The following GPC5 variants were observed in gnomAD, a reference collection of about 807,000 sequenced individuals.
GPC5 encodes glypican 5, also known as glypican-5.
A neutral mutation model predicts 53.9 loss-of-function variants in GPC5; 47 were observed. The observed-to-expected ratio is 0.87, with a 90% CI of 0.69 to 1.11. The LOEUF is 1.11. Ranked by LOEUF, GPC5 falls within the 50% of genes most tolerant of loss-of-function variation. GPC5 has a pLI of 0.00. For missense variants in GPC5, 748 were observed against 713.1 expected (o/e 1.05, Z -0.56); for synonymous variants, 286 against 263.3 (o/e 1.09, Z -0.84).
chr13:92,568,932 T>G (rs1208910570), intron 7 of GPC5, among the ~76,000 whole-genome samples: 1 of 151,974 alleles, frequency 6.6e-6, no homozygotes, highest in Non-Finnish European at 1.5e-5. Context: ...TTTTTTAGTT[T>G]TATTATTATT....
intron 5 of GPC5, among the ~76,000 whole-genome samples, chr13:91,876,656 G>C (rs988213778): frequency 6.6e-6 from 1 of 152,220 alleles, no homozygotes; most frequent in African/African-American, 2.4e-5. Flanking sequence ...TGTAAGGGAA[G>C]CAGAACATAA....
chr13:92,332,698 T>G (rs1250086764), intron 7 of GPC5, among the ~76,000 whole-genome samples: 1 of 152,100 alleles, frequency 6.6e-6, no homozygotes, highest in African/African-American at 2.4e-5. Flanking sequence ...TGGAAATGAG[T>G]TAGACAAAAA....
At chr13:92,636,320 G>A (rs961395127) in intron 7 of GPC5, among the ~76,000 whole-genome samples, 10 of 151,304 alleles carry the variant, frequency 6.6e-5, no homozygotes, top group Admixed American at 1.3e-4. Flanking sequence ...AGGTATCACC[G>A]TAAAAAATCA....
intron 7 of GPC5, among the ~76,000 whole-genome samples, chr13:92,233,722 TATGTATAC>T (rs1285803908): frequency 6.6e-6 from 1 of 152,210 alleles, no homozygotes; most frequent in East Asian, 1.9e-4. Flanking sequence ...ATGAGTTACA[TATGTATAC>T]ATGTGCCGTG....
At chr13:92,090,630 G>A (rs2041372610) in intron 6 of GPC5, among the ~76,000 whole-genome samples, 1 of 152,132 alleles carries the variant, frequency 6.6e-6, no homozygotes, top group Non-Finnish European at 1.5e-5. Flanking sequence ...AATAGATTAA[G>A]ACACCTAGGA....
intron 5 of GPC5, among the ~76,000 whole-genome samples, chr13:91,861,529 C>T (rs1269584146): frequency 6.6e-6 from 1 of 151,964 alleles, no homozygotes; most frequent in Non-Finnish European, 1.5e-5. Context: ...TACAGCCACA[C>T]AAGCTTCCTA....
intron 7 of GPC5, among the ~76,000 whole-genome samples, chr13:92,842,168 T>C (rs556901780): frequency 2.0e-5 from 3 of 152,268 alleles, no homozygotes; most frequent in South Asian, 2.1e-4. Context: ...TCCCTCAATG[T>C]ATGTGATAGG....
At chr13:92,762,387 A>G (rs1875220319) in intron 7 of GPC5, among the ~76,000 whole-genome samples, 1 of 152,160 alleles carries the variant, frequency 6.6e-6, no homozygotes, top group South Asian at 2.1e-4. Context: ...GGTAACACAA[A>G]GTAGAAAACT....
At chr13:91,824,286 T>A (rs1344645918) in intron 5 of GPC5, among the ~76,000 whole-genome samples, 1 of 152,022 alleles carries the variant, frequency 6.6e-6, no homozygotes, top group Non-Finnish European at 1.5e-5. Context: ...ATAATTGGAC[T>A]ATGATGGCAT....
chr13:92,780,668 T>C (rs1353285469), intron 7 of GPC5, among the ~76,000 whole-genome samples: 1 of 148,160 alleles, frequency 6.7e-6, no homozygotes, highest in Non-Finnish European at 1.5e-5. Flanking sequence ...TGGTGCCCTC[T>C]TTGTGCAGAA....
intron 7 of GPC5, among the ~76,000 whole-genome samples, chr13:92,730,571 T>C (rs1888771038): frequency 6.6e-6 from 1 of 151,266 alleles, no homozygotes; most frequent in South Asian, 2.1e-4. Flanking sequence ...AAATGTAAGA[T>C]CTGTGTCCAG....
At chr13:92,399,479 A>G (rs551162556) in intron 7 of GPC5, among the ~76,000 whole-genome samples, 2 of 152,220 alleles carry the variant, frequency 1.3e-5, no homozygotes, top group South Asian at 2.1e-4. Flanking sequence ...TAAAAGCTCA[A>G]TGGCCTCTTA....
intron 7 of GPC5, among the ~76,000 whole-genome samples, chr13:92,775,673 A>C (rs1429754669): frequency 6.6e-6 from 1 of 152,094 alleles, no homozygotes; most frequent in East Asian, 1.9e-4. Context: ...TTATGACTCC[A>C]TATCTACACA....
intron 7 of GPC5, among the ~76,000 whole-genome samples, chr13:92,365,092 A>G (rs575298665): frequency 6.6e-6 from 1 of 151,864 alleles, no homozygotes; most frequent in South Asian, 2.1e-4. Flanking sequence ...CTACCTTCTG[A>G]GAAATGCAGT....
intron 7 of GPC5, among the ~76,000 whole-genome samples, chr13:92,505,909 T>G (rs1218027872): frequency 6.6e-6 from 1 of 152,084 alleles, no homozygotes; most frequent in Non-Finnish European, 1.5e-5. Context: ...TCTAAAAAGA[T>G]AAAACTTCAG....
In GPC5 at chr13:91,971,168, T is replaced by C. The variant is rs1474115594; in HGVS notation, c.1401+63111T>C. Among the ~76,000 whole-genome samples, 13 of 152,294 alleles carry C rather than the reference T, an allele frequency of 8.5e-5. No individual in the cohort carries two copies. In the East Asian group the frequency reaches 2.3e-3, roughly 27 times the overall value. ...AGCCTGTTATTGGTCTATTCAGAGA[T>C]TCAACTTCTTCTTGGTTTAGTCTTG... On this transcript the variant is annotated intron_variant, in intron 6 of 7. Coordinates refer to ENST00000377067, the MANE Select transcript of GPC5 (RefSeq NM_004466.6).
intron 7 of GPC5, among the ~76,000 whole-genome samples, chr13:92,706,322 A>C (rs1327398507): frequency 6.6e-6 from 1 of 152,038 alleles, no homozygotes; most frequent in Non-Finnish European, 1.5e-5. Flanking sequence ...ATAAGGCTTA[A>C]CTTCATTTTC....
chr13:92,229,007 A>T (rs1372076801), intron 7 of GPC5, among the ~76,000 whole-genome samples: 1 of 152,220 alleles, frequency 6.6e-6, no homozygotes, highest in Non-Finnish European at 1.5e-5. Flanking sequence ...TTCAAAATCA[A>T]TAGCAAAACA....
intron 2 of GPC5, among the ~76,000 whole-genome samples, chr13:91,587,115 T>A (rs1367181201): frequency 6.6e-6 from 1 of 152,084 alleles, no homozygotes; most frequent in Non-Finnish European, 1.5e-5. Flanking sequence ...ACTCCATTGT[T>A]TTGCAAACAA....
Sources: gnomAD v4.1 joint callset for allele counts (sites outside exome capture counted in the v4.1 genomes callset) on GRCh38, gnomAD v4.1.1 for gene constraint, MANE v1.5 for transcripts, NCBI Gene and HGNC (gene_info 2026-07-23, HGNC 2026-07-21) for gene names.